PIK3C2A: variants seen among roughly 807,000 people sequenced by gnomAD.
PIK3C2A encodes the protein phosphatidylinositol 4-phosphate 3-kinase C2 domain-containing subunit alpha.
Under a neutral mutation model 204.5 loss-of-function variants are expected in PIK3C2A, and 97 were observed. The observed-to-expected ratio is 0.47, with a 90% confidence interval of 0.40 to 0.56. The LOEUF (loss-of-function observed/expected upper bound fraction) is 0.56, where lower values mean the gene tolerates loss of function less well. PIK3C2A is among the 20% of genes least tolerant of loss of function. PIK3C2A has a pLI of 0.00. For missense variants in PIK3C2A, 1,735 were observed against 1,969.2 expected (o/e 0.88, Z 2.25); for synonymous variants, 653 against 664.4 (o/e 0.98, Z 0.26).
At chr11:17,104,820 T>C (rs1848756350) in intron 23 of PIK3C2A, among the ~76,000 whole-genome samples, 1 of 152,082 alleles carries the variant, frequency 6.6e-6, no homozygotes, top group African/African-American at 2.4e-5. Flanking sequence ...GGCCCCTAAT[T>C]TATGTTCTTA....
intron 8 of PIK3C2A, among the ~76,000 whole-genome samples, chr11:17,140,475 A>T (rs1850027569): frequency 6.6e-6 from 1 of 152,198 alleles, no homozygotes; most frequent in Non-Finnish European, 1.5e-5. Flanking sequence ...TTCAGCAAGA[A>T]AAAAGTGAAC....
Position 17,107,296 on chromosome 11 carries a change from G to C in PIK3C2A, c.3545-1991C>G, listed in dbSNP as rs148200577. 7.7e-4 allele frequency among the ~76,000 whole-genome samples: 117 copies of C among 152,228 alleles called. No individual in the cohort carries two copies. The Middle Eastern group carries it at 0.014, about 18-fold the overall frequency. On this transcript the variant is annotated intron_variant, in intron 22 of 32. Transcript: ENST00000691414. ...CCATTGCACTCCAGCCTGGGCAACA[G>C]TGCAAGGCTCCGTCTCAAAAAATAA...
At chr11:17,134,402 A>T (rs1019514276) in intron 11 of PIK3C2A, among the ~76,000 whole-genome samples, 4 of 151,246 alleles carry the variant, frequency 2.6e-5, no homozygotes. Context: ...GCTCTTGTTG[A>T]CAAGGCTGGA....
At chr11:17,110,347 C>T in intron 22 of PIK3C2A, 85 bp downstream of exon 22, 1 of 907,464 alleles carries the variant, frequency 1.1e-6, no homozygotes, top group Non-Finnish European at 1.7e-6. Flanking sequence ...ACCAGGGTAT[C>T]TGCATCAGGA....
intron 2 of PIK3C2A, among the ~76,000 whole-genome samples, 170 bp from the exon 3 acceptor site, chr11:17,155,799 T>C (rs1305784698): frequency 6.6e-6 from 1 of 152,186 alleles, no homozygotes; most frequent in Admixed American, 6.5e-5. Flanking sequence ...GTAAAAGTAA[T>C]GTCAACTAAG....
intron 11 of PIK3C2A, among the ~76,000 whole-genome samples, chr11:17,132,483 C>A (rs1216892120): frequency 1.3e-5 from 2 of 151,264 alleles, no homozygotes; most frequent in East Asian, 3.9e-4. Context: ...GCGCCCGCCA[C>A]CGCGCCCGGC....
At chr11:17,170,398 T>C (rs1851119211) in intron 1 of PIK3C2A, among the ~76,000 whole-genome samples, 1 of 152,188 alleles carries the variant, frequency 6.6e-6, no homozygotes, top group Non-Finnish European at 1.5e-5. Context: ...ATTTGAATAA[T>C]AAGACAAAGT....
intron 1 of PIK3C2A, among the ~76,000 whole-genome samples, chr11:17,181,909 T>A (rs1041932837): frequency 6.6e-6 from 1 of 151,544 alleles, no homozygotes; most frequent in African/African-American, 2.4e-5. Context: ...CTGACCAACA[T>A]GGAGAAACCC....
chr11:17,141,563 G>A (rs139472396), intron 8 of PIK3C2A, among the ~76,000 whole-genome samples: 7 of 152,036 alleles, frequency 4.6e-5, no homozygotes, highest in Non-Finnish European at 7.4e-5. Context: ...CATAAACCAC[G>A]TTACATTTGT....
chr11:17,194,851 G>A (rs1390306484), intron 1 of PIK3C2A, among the ~76,000 whole-genome samples: 1 of 151,568 alleles, frequency 6.6e-6, no homozygotes, highest in African/African-American at 2.4e-5. Flanking sequence ...AGAGGATGCA[G>A]TGAGCCGAGA....
intron 15 of PIK3C2A, among the ~76,000 whole-genome samples, chr11:17,120,513 T>C (rs928067009): frequency 7.2e-5 from 11 of 151,794 alleles, no homozygotes; most frequent in Non-Finnish European, 1.5e-4. Flanking sequence ...AATATATATA[T>C]ACATATACAT....
rs376818915 is a variant in PIK3C2A at position 17,155,885 on chromosome 11, A to C, written c.1066-256T>G. Among the ~76,000 whole-genome samples, 15 of 152,336 alleles carry C rather than the reference A, an allele frequency of 9.8e-5. No individual in the cohort carries two copies. The South Asian group carries it at 1.5e-3, about 15-fold the overall frequency. On this transcript the variant is annotated intron_variant, in intron 2 of 32. Coordinates refer to ENST00000691414, the MANE Select transcript of PIK3C2A (RefSeq NM_002645.4). ...ACCGGTCAGTAAGAATGGAATGCTA[A>C]AGACCTTTCCATTCAAAATATTCCT...
chr11:17,177,821 G>A (rs971218228), intron 1 of PIK3C2A, among the ~76,000 whole-genome samples: 1 of 152,230 alleles, frequency 6.6e-6, no homozygotes, highest in African/African-American at 2.4e-5. Flanking sequence ...GGCCAGTAGC[G>A]ATGGCTCATG....
chr11:17,170,842 A>G (rs899278479), intron 1 of PIK3C2A, among the ~76,000 whole-genome samples: 5 of 152,106 alleles, frequency 3.3e-5, no homozygotes, highest in Admixed American at 6.6e-5. Flanking sequence ...GGTGGCTCAC[A>G]CCTGTAATCT....
At chr11:17,103,168 G>A (rs1277304073) in intron 23 of PIK3C2A, among the ~76,000 whole-genome samples, 2 of 148,200 alleles carry the variant, frequency 1.3e-5, no homozygotes, top group African/African-American at 2.5e-5. Context: ...GCTTAGAATC[G>A]GTGAGGTGCA....
chr11:17,149,304 A>AAT (rs568417419), intron 4 of PIK3C2A, among the ~76,000 whole-genome samples: 303 of 152,100 alleles, frequency 2.0e-3, no homozygotes, highest in African/African-American at 7.0e-3. Context: ...GTACCCCATA[A>AAT]ATATATATAT....
At chr11:17,107,405 T>C (rs1225412507) in intron 22 of PIK3C2A, among the ~76,000 whole-genome samples, 1 of 152,222 alleles carries the variant, frequency 6.6e-6, no homozygotes, top group East Asian at 1.9e-4. Context: ...TGTGCTTTGA[T>C]AGAAAGATCT....
At chr11:17,200,409 T>C (rs1045123881) in intron 1 of PIK3C2A, among the ~76,000 whole-genome samples, 1 of 151,368 alleles carries the variant, frequency 6.6e-6, no homozygotes, top group African/African-American at 2.4e-5. Flanking sequence ...GATTTTTCTA[T>C]AAACTTTCTA....
intron 1 of PIK3C2A, among the ~76,000 whole-genome samples, chr11:17,184,063 T>C (rs1034098031): frequency 1.3e-5 from 2 of 151,976 alleles, no homozygotes; most frequent in Admixed American, 1.3e-4. Context: ...GAAGTTACAG[T>C]GAGTTATATG....
Sources: allele counts gnomAD v4.1 joint callset (sites outside exome capture counted in the v4.1 genomes callset), GRCh38; gene constraint gnomAD v4.1.1; transcripts MANE v1.5; gene names NCBI Gene and HGNC (gene_info 2026-07-23, HGNC 2026-07-21).